DDX31: variants seen among roughly 807,000 people sequenced by gnomAD.
DDX31 encodes DEAD-box helicase 31, also known as ATP-dependent DNA helicase DDX31.
In DDX31, 70 loss-of-function variants were observed where a neutral mutation model predicts 91.3. That is an observed-to-expected ratio of 0.77 (90% CI 0.63 to 0.94). The LOEUF is 0.94. Ranked by LOEUF, DDX31 falls within the 40% of genes least tolerant of loss-of-function variation. The pLI is 0.00. For synonymous variants in DDX31, 362 were observed against 350.6 expected, an observed-to-expected ratio of 1.03 and a Z score of -0.36; for missense variants, 902 against 925.0, an observed-to-expected ratio of 0.98 and a Z score of 0.32.
intron 14 of DDX31, among the ~76,000 whole-genome samples, chr9:132,634,609 T>TA (rs1832995773): frequency 7.8e-6 from 1 of 127,802 alleles, no homozygotes; most frequent in Admixed American, 8.0e-5. Context: ...TTTTTTTTTT[T>TA]AAAGATGGGG....
intron 1 of DDX31, 102 bp from the exon 2 acceptor site, chr9:132,662,797 G>T: frequency 6.8e-7 from 1 of 1,479,944 alleles, no homozygotes; most frequent in Non-Finnish European, 9.2e-7. Context: ...ATCTCTCCCT[G>T]CAGAGATCAT....
chr9:132,656,491 G>A (rs1213066521), intron 6 of DDX31, among the ~76,000 whole-genome samples: 1 of 152,146 alleles, frequency 6.6e-6, no homozygotes, highest in Non-Finnish European at 1.5e-5. Flanking sequence ...TGCACTGCCC[G>A]TCGGGTCTCA....
chr9:132,641,017 C>A (rs1833471269), intron 14 of DDX31, among the ~76,000 whole-genome samples: 1 of 152,138 alleles, frequency 6.6e-6, no homozygotes, highest in Non-Finnish European at 1.5e-5. Flanking sequence ...CCACTGTTTG[C>A]CTCACACACG....
intron 18 of DDX31, 80 bp downstream of exon 18, chr9:132,618,250 T>G: frequency 5.7e-6 from 7 of 1,227,510 alleles, no homozygotes; most frequent in Non-Finnish European, 8.0e-6. Flanking sequence ...TCTCAACCGG[T>G]TTGGGGGTAT....
rs1310924416 is a variant in DDX31 at position 132,616,387 on chromosome 9, C to T, written c.1825+1943G>A. Among the ~76,000 whole-genome samples, 3 of 152,114 alleles carry T rather than the reference C, an allele frequency of 2.0e-5. No individual in the cohort carries two copies. The East Asian group carries it at 5.8e-4, about 29-fold the overall frequency. The stretch of plus-strand genomic sequence containing the variant: ...GTATTAACAAGTTCAATGGTAATAA[C>T]AGTGAAAGAAAACCCAAAACCACAT... On this transcript the variant is annotated intron_variant, in intron 18 of 19. Coordinates refer to ENST00000372159, the MANE Select transcript of DDX31 (RefSeq NM_022779.9).
chr9:132,621,797 C>T (rs764200283), intron 17 of DDX31, among the ~76,000 whole-genome samples: 2 of 152,166 alleles, frequency 1.3e-5, no homozygotes, highest in Admixed American at 6.5e-5. Flanking sequence ...AATACTCTCT[C>T]GGGTTGTGTA....
intron 11 of DDX31, 95 bp downstream of exon 11, chr9:132,648,094 G>T: frequency 1.0e-6 from 1 of 998,422 alleles, no homozygotes; most frequent in Non-Finnish European, 1.5e-6. Flanking sequence ...ACCTCCCTGA[G>T]GTTGAGAATC....
chr9:132,647,454 C>T (rs1011823205), intron 11 of DDX31, among the ~76,000 whole-genome samples: 9 of 152,254 alleles, frequency 5.9e-5, no homozygotes, highest in African/African-American at 2.2e-4. Context: ...CTGAGAATAT[C>T]CAAGGGAGGG....
At chr9:132,635,737 G>A (rs1229570800) in intron 14 of DDX31, among the ~76,000 whole-genome samples, 1 of 151,856 alleles carries the variant, frequency 6.6e-6, no homozygotes. Flanking sequence ...CCTGAGGTCA[G>A]GAGTTCGAGA....
At chr9:132,648,400 T>A in intron 10 of DDX31, 32 bp downstream of exon 10, 1 of 1,611,344 alleles carries the variant, frequency 6.2e-7, no homozygotes, top group South Asian at 1.1e-5. Context: ...GCCCTTCTCT[T>A]CTACCTGTTA....
chr9:132,637,855 C>G (rs903926758), intron 14 of DDX31: 2 of 986,678 alleles, frequency 2.0e-6, no homozygotes, highest in Non-Finnish European at 2.4e-6. Context: ...AAAGCATACC[C>G]CAGAGAAAAG....
intron 14 of DDX31, among the ~76,000 whole-genome samples, chr9:132,640,705 A>G (rs1234370141): frequency 6.6e-6 from 1 of 151,978 alleles, no homozygotes; most frequent in Non-Finnish European, 1.5e-5. Context: ...GGGTCTTGCT[A>G]TATTGTTGCT....
chr9:132,648,673 G>C (rs944354578), intron 9 of DDX31, 122 bp from the exon 10 acceptor site: 6 of 1,184,288 alleles, frequency 5.1e-6, no homozygotes, highest in Non-Finnish European at 6.9e-6. Flanking sequence ...GCCATAGCCT[G>C]AAATCATGAC....
Position 132,625,659 on chromosome 9 carries a change from C to A in DDX31, c.1713+5G>T. 2 of 1,612,988 alleles carry A rather than the reference C, an allele frequency of 1.2e-6. No homozygotes were observed. Among genetic ancestry groups the A allele is most frequent in the Non-Finnish European group, 1.7e-6 (2 of 1,179,156 alleles). On this transcript the variant is annotated splice_donor_5th_base_variant and intron_variant, in intron 17 of 19. Transcript: ENST00000372159. ...GCAGCGAGCACAATAAATAACAAAA[C>A]TCACCTGGGCTCCCCATCGTTTCCC...
intron 16 of DDX31, among the ~76,000 whole-genome samples, chr9:132,626,094 G>A (rs1832373043): frequency 6.7e-6 from 1 of 150,276 alleles, no homozygotes; most frequent in Non-Finnish European, 1.5e-5. Flanking sequence ...AGCAGATGAT[G>A]ATGAAATAGA....
chr9:132,623,573 A>AAAAAAAG (rs1318730651), intron 17 of DDX31, among the ~76,000 whole-genome samples: 1 of 151,538 alleles, frequency 6.6e-6, no homozygotes, highest in Non-Finnish European at 1.5e-5. Flanking sequence ...AAAAAAGAAA[A>AAAAAAAG]AAAAAAGAAA....
intron 16 of DDX31, among the ~76,000 whole-genome samples, chr9:132,626,190 G>A (rs1489999205): frequency 3.3e-5 from 5 of 151,950 alleles, no homozygotes; most frequent in African/African-American, 1.2e-4. Context: ...TCCACTGTGG[G>A]GTAAACACCC....
At chr9:132,650,181 G>A in intron 9 of DDX31, 53 bp downstream of exon 9, 2 of 1,560,358 alleles carry the variant, frequency 1.3e-6, no homozygotes, top group Non-Finnish European at 1.8e-6. Flanking sequence ...TTACTGAATA[G>A]GAAGGCAGGA....
intron 6 of DDX31, among the ~76,000 whole-genome samples, chr9:132,656,702 C>G (rs888907567): frequency 6.6e-6 from 1 of 152,158 alleles, no homozygotes; most frequent in Non-Finnish European, 1.5e-5. Context: ...CTCTCATCCT[C>G]CAGTCATGGA....
Sources: gnomAD v4.1 joint callset for allele counts (sites outside exome capture counted in the v4.1 genomes callset) on GRCh38, gnomAD v4.1.1 for gene constraint, MANE v1.5 for transcripts, NCBI Gene and HGNC (gene_info 2026-07-23, HGNC 2026-07-21) for gene names.